TBC1D8: variants seen among roughly 807,000 people sequenced by gnomAD.
TBC1D8 encodes the protein TBC1 domain family member 8, also known as BUB2-like protein 1.
In TBC1D8, 65 loss-of-function variants were observed where a neutral mutation model predicts 118.8. The ratio of observed to expected loss-of-function variants is 0.55; its 90% CI spans 0.45 to 0.67. TBC1D8 has a LOEUF of 0.67. TBC1D8 is among the 30% of genes least tolerant of loss of function. The probability of loss-of-function intolerance (pLI) is 0.00; values close to 1 mark genes in which losing one functional copy is unlikely to be tolerated. For synonymous variants in TBC1D8, 566 were observed against 595.8 expected, an observed-to-expected ratio of 0.95 and a Z score of 0.73; for missense variants, 1,376 against 1,471.2, an observed-to-expected ratio of 0.94 and a Z score of 1.06.
intron 1 of TBC1D8, among the ~76,000 whole-genome samples, chr2:101,118,276 G>C (rs547321847): frequency 1.3e-5 from 2 of 152,088 alleles, no homozygotes; most frequent in Non-Finnish European, 2.9e-5. Context: ...ATTGTACGTA[G>C]TGCTGGAAGT....
At chr2:101,079,842 C>A (rs1001125512) in intron 2 of TBC1D8, among the ~76,000 whole-genome samples, 6 of 151,782 alleles carry the variant, frequency 4.0e-5, no homozygotes, top group African/African-American at 1.2e-4. Context: ...CCCGCCACCA[C>A]GCCTGGCTAA....
At chr2:101,040,768 C>T (rs1233305614) in intron 5 of TBC1D8, among the ~76,000 whole-genome samples, 1 of 152,244 alleles carries the variant, frequency 6.6e-6, no homozygotes, top group Non-Finnish European at 1.5e-5. Flanking sequence ...CCGCGCCCAG[C>T]CAAGAAAATA....
At chr2:101,075,704 C>G (rs922706647) in intron 2 of TBC1D8, among the ~76,000 whole-genome samples, 3 of 152,152 alleles carry the variant, frequency 2.0e-5, no homozygotes, top group Non-Finnish European at 4.4e-5. Flanking sequence ...TGAGGCCTCC[C>G]CAGCCATGCT....
At chr2:101,082,717 T>C (rs1186203288) in intron 2 of TBC1D8, among the ~76,000 whole-genome samples, 2 of 152,116 alleles carry the variant, frequency 1.3e-5, no homozygotes, top group East Asian at 3.9e-4. Context: ...GGTGCCCGAG[T>C]AGGCAAATTC....
At chr2:101,087,049 G>A (rs943940794) in intron 2 of TBC1D8, among the ~76,000 whole-genome samples, 1 of 152,082 alleles carries the variant, frequency 6.6e-6, no homozygotes, top group African/African-American at 2.4e-5. Flanking sequence ...CTCCCAAAGT[G>A]CTGGGATTAC....
chr2:101,111,517 C>T (rs539314881), intron 1 of TBC1D8, among the ~76,000 whole-genome samples: 1 of 152,338 alleles, frequency 6.6e-6, no homozygotes, highest in African/African-American at 2.4e-5. Context: ...GGGAGGGATG[C>T]TGGCCCTCGT....
At chr2:101,071,734 A>G (rs1428796560) in intron 2 of TBC1D8, among the ~76,000 whole-genome samples, 1 of 152,222 alleles carries the variant, frequency 6.6e-6, no homozygotes, top group East Asian at 1.9e-4. Context: ...AAAAGTTTTC[A>G]AGGCACACAG....
chr2:101,009,176 G>A (rs992338958), intron 19 of TBC1D8, among the ~76,000 whole-genome samples: 8 of 152,266 alleles, frequency 5.3e-5, no homozygotes, highest in Non-Finnish European at 7.4e-5. Context: ...GGCGGATCAC[G>A]AGGTCAGGAG....
chr2:101,009,821 C>CATTTTTTTTTTTTTT (rs144990163), intron 19 of TBC1D8, among the ~76,000 whole-genome samples: 1 of 134,192 alleles, frequency 7.5e-6, no homozygotes, highest in African/African-American at 2.7e-5. Flanking sequence ...AAAAAAGGAG[C>CATTTTTTTTTTTTTT]TTTTTCTTTT....
chr2:101,150,532 A>G (rs1003266933), intron 1 of TBC1D8, among the ~76,000 whole-genome samples: 3 of 152,206 alleles, frequency 2.0e-5, no homozygotes, highest in Admixed American at 2.0e-4. Context: ...CTTGTAAGAC[A>G]CTGAAAGAGA....
At chr2:101,037,407 CGGA>C (rs751157174) in intron 8 of TBC1D8, 122 bp downstream of exon 8, 199 of 1,346,406 alleles carry the variant, frequency 1.5e-4, no homozygotes, top group Non-Finnish European at 1.8e-4. Flanking sequence ...GAGAACAAGA[CGGA>C]GGAGGAGCGT....
chr2:101,026,006 G>A (rs566616803), intron 15 of TBC1D8, among the ~76,000 whole-genome samples: 16 of 152,248 alleles, frequency 1.1e-4, no homozygotes, highest in African/African-American at 3.9e-4. Flanking sequence ...TTCATAGGAA[G>A]GATAAAAACA....
At chr2:101,080,272 C>T (rs1675174779) in intron 2 of TBC1D8, among the ~76,000 whole-genome samples, 2 of 152,164 alleles carry the variant, frequency 1.3e-5, no homozygotes, top group Admixed American at 1.3e-4. Flanking sequence ...CGCCTGACCT[C>T]AGCGTGGGGA....
rs141861369 is a variant in TBC1D8 at position 101,017,920 on chromosome 2, A to G, written c.2827+3761T>C. On this transcript the variant is annotated intron_variant, in intron 17 of 19. Coordinates refer to ENST00000409318, the MANE Select transcript of TBC1D8 (RefSeq NM_001330348.2). Reference sequence around the variant, plus strand: ...ACCATCAGTGAGAAACCGAACAAGAAGAGGAAAGCAAATGGCATTTTCTTC... The same window carrying G: ...ACCATCAGTGAGAAACCGAACAAGAGGAGGAAAGCAAATGGCATTTTCTTC... 7,455 of 1,550,870 alleles carry G rather than the reference A, an allele frequency of 4.8e-3. 315 individuals are homozygous for G. In the Admixed American group the frequency reaches 0.094, roughly 20 times the overall value.
chr2:101,044,519 C>A (rs1042320874), intron 5 of TBC1D8, among the ~76,000 whole-genome samples: 5 of 152,222 alleles, frequency 3.3e-5, no homozygotes, highest in African/African-American at 1.2e-4. Flanking sequence ...CCAGTACTTC[C>A]TAAGTGCCTT....
At chr2:101,073,172 C>T (rs192142126) in intron 2 of TBC1D8, among the ~76,000 whole-genome samples, 1 of 152,294 alleles carries the variant, frequency 6.6e-6, no homozygotes. Context: ...GCTTTGAAGC[C>T]AGGCACTCAC....
At chr2:101,021,798 G>T (rs1680045954) in intron 16 of TBC1D8, 52 bp from the exon 17 acceptor site, 1 of 1,192,970 alleles carries the variant, frequency 8.4e-7, no homozygotes, top group Non-Finnish European at 1.2e-6. Context: ...AAGTCCATTT[G>T]TCAGGACACA....
intron 2 of TBC1D8, among the ~76,000 whole-genome samples, chr2:101,069,078 T>A (rs996031968): frequency 2.8e-5 from 4 of 140,784 alleles, no homozygotes; most frequent in African/African-American, 1.1e-4. Flanking sequence ...GGCGGGTGGA[T>A]CATGAGAGCA....
chr2:101,091,150 T>C (rs1209176587), intron 1 of TBC1D8, among the ~76,000 whole-genome samples: 1 of 152,118 alleles, frequency 6.6e-6, no homozygotes, highest in Non-Finnish European at 1.5e-5. Flanking sequence ...CTGGGCGTGG[T>C]GGCAGGCACC....
Sources: allele counts gnomAD v4.1 joint callset (sites outside exome capture counted in the v4.1 genomes callset), GRCh38; gene constraint gnomAD v4.1.1; transcripts MANE v1.5; gene names NCBI Gene and HGNC (gene_info 2026-07-23, HGNC 2026-07-21).